DAB1: variants seen among roughly 807,000 people sequenced by gnomAD.
The protein encoded by DAB1 is disabled homolog 1.
In DAB1, 15 loss-of-function variants were observed where a neutral mutation model predicts 64.6. That is an observed-to-expected ratio of 0.23 (90% CI 0.16 to 0.36). The LOEUF is 0.36. Among genes scored for constraint, DAB1 ranks in the 10% least tolerant of loss-of-function variants. The pLI is 1.00. For missense variants in DAB1, 596 were observed against 706.7 expected (o/e 0.84, Z 1.78); for synonymous variants, 235 against 251.9 (o/e 0.93, Z 0.64).
chr1:57,663,846 A>G (rs1646415810), intron 6 of DAB1, among the ~76,000 whole-genome samples: 1 of 152,204 alleles, frequency 6.6e-6, no homozygotes, highest in Non-Finnish European at 1.5e-5. Context: ...GAGAGAGACC[A>G]AAGGCTGTAA....
At chr1:57,583,471 C>T (rs2101555724) in intron 7 of DAB1, among the ~76,000 whole-genome samples, 1 of 151,768 alleles carries the variant, frequency 6.6e-6, no homozygotes, top group East Asian at 1.9e-4. Flanking sequence ...ATTTTTAGTA[C>T]AGATGGGGTT....
Position 57,338,868 on chromosome 1 carries a change from C to G in DAB1, c.-136-47702G>C, listed in dbSNP as rs544741700. 2.0e-5 allele frequency among the ~76,000 whole-genome samples: 3 copies of G among 152,246 alleles called. No homozygotes were observed. In the South Asian group the frequency reaches 6.2e-4, roughly 32 times the overall value. On this transcript the variant is annotated intron_variant, in intron 1 of 14. Transcript: ENST00000371236. ...TACTTTGTGAGTTTACTGAGAGGAA[C>G]AAATGAAGTAATGTATGTGTAAGAA...
intron 5 of DAB1, among the ~76,000 whole-genome samples, chr1:57,937,040 G>T (rs1367001994): frequency 6.6e-6 from 1 of 151,754 alleles, no homozygotes; most frequent in Non-Finnish European, 1.5e-5. Flanking sequence ...TTTAACTTCT[G>T]CTTGCTGATC....
chr1:58,089,937 G>A (rs752798990), intron 5 of DAB1, among the ~76,000 whole-genome samples: 2 of 152,188 alleles, frequency 1.3e-5, no homozygotes, highest in South Asian at 2.1e-4. Flanking sequence ...TACTAGTGGC[G>A]TTTGGGCTGG....
chr1:57,064,697 A>C (rs1177780809), intron 8 of DAB1, among the ~76,000 whole-genome samples: 1 of 152,166 alleles, frequency 6.6e-6, no homozygotes, highest in Non-Finnish European at 1.5e-5. Flanking sequence ...AGTTGTTTCA[A>C]GTGGGCCTTT....
chr1:57,274,057 C>T (rs756087515), intron 2 of DAB1, among the ~76,000 whole-genome samples: 3 of 152,140 alleles, frequency 2.0e-5, no homozygotes, highest in Non-Finnish European at 4.4e-5. Context: ...TTTCACCCAT[C>T]GAGATGGATA....
chr1:57,963,490 G>A (rs775216142), intron 5 of DAB1, among the ~76,000 whole-genome samples: 5 of 152,110 alleles, frequency 3.3e-5, no homozygotes, highest in Non-Finnish European at 5.9e-5. Flanking sequence ...ATCTGTGAAC[G>A]TCCTGAAAGC....
At chr1:57,210,261 T>C (rs1481236211) in intron 2 of DAB1, among the ~76,000 whole-genome samples, 6 of 152,166 alleles carry the variant, frequency 3.9e-5, no homozygotes, top group Admixed American at 3.3e-4. Context: ...TAAAGAATAA[T>C]GTCTACTGCT....
At chr1:57,502,008 A>G (rs1359207837) in intron 7 of DAB1, among the ~76,000 whole-genome samples, 1 of 152,036 alleles carries the variant, frequency 6.6e-6, no homozygotes, top group Non-Finnish European at 1.5e-5. Flanking sequence ...GCAGTACCGG[A>G]GAGGACTCAG....
chr1:57,661,777 A>C (rs1200415866), intron 6 of DAB1, among the ~76,000 whole-genome samples: 2 of 152,144 alleles, frequency 1.3e-5, no homozygotes, highest in African/African-American at 4.8e-5. Context: ...GTATTTTAAA[A>C]TTTGTATTTT....
intron 1 of DAB1, among the ~76,000 whole-genome samples, chr1:57,396,522 G>A (rs753370225): frequency 1.4e-4 from 21 of 152,146 alleles, no homozygotes; most frequent in Non-Finnish European, 3.1e-4. Context: ...GTAAATTGTG[G>A]ATTGTTCTTT....
At chr1:57,436,106 G>A (rs984068706) in intron 7 of DAB1, among the ~76,000 whole-genome samples, 1 of 151,734 alleles carries the variant, frequency 6.6e-6, no homozygotes, top group Non-Finnish European at 1.5e-5. Flanking sequence ...TAGTAGAGAC[G>A]GGGTTGCACC....
intron 6 of DAB1, among the ~76,000 whole-genome samples, chr1:57,658,191 T>C (rs548860098): frequency 1.8e-4 from 27 of 152,334 alleles, no homozygotes; most frequent in African/African-American, 6.0e-4. Flanking sequence ...TTTGTTCCAA[T>C]GACTCTGTGT....
chr1:57,490,897 A>G (rs1644154442), intron 7 of DAB1, among the ~76,000 whole-genome samples: 1 of 152,234 alleles, frequency 6.6e-6, no homozygotes, highest in African/African-American at 2.4e-5. Flanking sequence ...TTTAGTTAAT[A>G]TATGTTGAGT....
chr1:57,926,252 G>A (rs1053811900), intron 5 of DAB1, among the ~76,000 whole-genome samples: 16 of 142,340 alleles, frequency 1.1e-4, no homozygotes, highest in Non-Finnish European at 1.9e-4. Context: ...GTTTCCTGAC[G>A]TCCATAAAAC....
At chr1:58,140,180 T>C (rs1011971034) in intron 5 of DAB1, among the ~76,000 whole-genome samples, 1 of 152,226 alleles carries the variant, frequency 6.6e-6, no homozygotes, top group Non-Finnish European at 1.5e-5. Context: ...ACCAAGGTAA[T>C]TCTCATTGTT....
At chr1:57,704,546 G>C (rs3131780) in intron 6 of DAB1, among the ~76,000 whole-genome samples, 11 of 151,904 alleles carry the variant, frequency 7.2e-5, no homozygotes, top group Non-Finnish European at 1.3e-4. Flanking sequence ...AAAGGAACCT[G>C]GATAGCTTCC....
At chr1:57,569,863 G>T (rs1645172910) in intron 7 of DAB1, among the ~76,000 whole-genome samples, 1 of 152,068 alleles carries the variant, frequency 6.6e-6, no homozygotes, top group African/African-American at 2.4e-5. Flanking sequence ...ATAGTATTTG[G>T]GTTGGGGATT....
chr1:57,721,145 A>G (rs559964121), intron 6 of DAB1, among the ~76,000 whole-genome samples: 4 of 152,220 alleles, frequency 2.6e-5, no homozygotes, highest in African/African-American at 9.6e-5. Flanking sequence ...AAGCAACTCC[A>G]TCTTGTCAAA....
Sources: allele counts gnomAD v4.1 joint callset (sites outside exome capture counted in the v4.1 genomes callset), GRCh38; gene constraint gnomAD v4.1.1; transcripts MANE v1.5; gene names NCBI Gene and HGNC (gene_info 2026-07-23, HGNC 2026-07-21).